Variants in TNS1 observed in about 807,000 individuals in gnomAD.
TNS1 encodes tensin-1.
Under a neutral mutation model 168.6 loss-of-function variants are expected in TNS1, and 62 were observed. That is an observed-to-expected ratio of 0.37 (90% confidence interval 0.30 to 0.45). The LOEUF (loss-of-function observed/expected upper bound fraction) is 0.45, where lower values mean the gene tolerates loss of function less well. TNS1 is among the 20% of genes least tolerant of loss of function. The pLI is 1.00. For synonymous variants in TNS1, 934 were observed against 933.2 expected (o/e 1.00, Z -0.02); for missense variants, 2,240 against 2,339.4 (o/e 0.96, Z 0.88).
At chr2:217,823,297 G>A (rs1943155209) in intron 22 of TNS1, among the ~76,000 whole-genome samples, 1 of 152,194 alleles carries the variant, frequency 6.6e-6, no homozygotes, top group Non-Finnish European at 1.5e-5. Context: ...GACAGTGTAT[G>A]GGCATGGCTG....
chr2:217,964,852 G>GTA (rs1417379472), intron 3 of TNS1, among the ~76,000 whole-genome samples: 2 of 152,184 alleles, frequency 1.3e-5, no homozygotes, highest in African/African-American at 4.8e-5. Flanking sequence ...GTGTTCTGCT[G>GTA]TGCCCCAAGA....
At chr2:217,885,307 G>A (rs1559299167) in intron 15 of TNS1, 143 bp from the exon 16 acceptor site, 1 of 1,200,514 alleles carries the variant, frequency 8.3e-7, no homozygotes, top group Non-Finnish European at 1.1e-6. Context: ...CACCAAACAG[G>A]ATCTCAGAGT....
intron 3 of TNS1, among the ~76,000 whole-genome samples, chr2:217,926,701 A>G (rs550841820): frequency 3.9e-5 from 6 of 152,356 alleles, no homozygotes; most frequent in South Asian, 4.1e-4. Context: ...CATGTCAAGC[A>G]CTGTTCTAAG....
intron 32 of TNS1, among the ~76,000 whole-genome samples, chr2:217,805,806 A>G (rs1208733982): frequency 7.5e-6 from 1 of 132,630 alleles, no homozygotes; most frequent in Non-Finnish European, 1.7e-5. Context: ...CAAACCATGC[A>G]TACATACATA....
chr2:218,025,411 G>A (rs1028930217), intron 1 of TNS1, among the ~76,000 whole-genome samples: 4 of 152,070 alleles, frequency 2.6e-5, no homozygotes, highest in Admixed American at 2.6e-4. Flanking sequence ...ACCATGCCCA[G>A]CTAACTTTTT....
chr2:217,813,749 G>T lies in TNS1; in HGVS notation c.4797C>A (p.Gly1599=). 1 of 1,614,030 alleles carries T rather than the reference G, an allele frequency of 6.2e-7. No homozygotes were observed. Among genetic ancestry groups the T allele is most frequent in the South Asian group, 1.1e-5 (1 of 91,062 alleles). The part of the protein sequence containing the change: ...FIIRDSHSFR[G]AYGLAMKVSS... ...ACACCTTCATGGCCAGCCCGTACGC[G>T]CCTCGGAAGGAGTGACTGTCGCGGA... The change falls in exon 26 of 33, where the codon GGC becomes GGA. Residue 1599 remains glycine, a synonymous_variant. Transcript: ENST00000682258. The surrounding 1 kb of genome is among the most constrained non-coding windows in gnomAD (Gnocchi z 4.0).
chr2:217,919,508 G>T (rs1043009502), intron 4 of TNS1, among the ~76,000 whole-genome samples: 21 of 152,206 alleles, frequency 1.4e-4, no homozygotes, highest in African/African-American at 4.1e-4. Flanking sequence ...CTGCTTCTAG[G>T]GCCATGGTGG....
At chr2:217,827,074 C>T (rs1943732877) in intron 22 of TNS1, among the ~76,000 whole-genome samples, 1 of 152,104 alleles carries the variant, frequency 6.6e-6, no homozygotes, top group African/African-American at 2.4e-5. Flanking sequence ...CTCCCAGCCC[C>T]CATGACATCC....
Position 217,804,614 on chromosome 2 carries a change from G to C in TNS1, c.5376-11C>G. ...ACGAAGCCGAAGAGCCTGCAGGCGG[G>C]AGAGGGCAACGGGCATGAGGGAAGG... On this transcript the variant is annotated splice_polypyrimidine_tract_variant and intron_variant, in intron 32 of 32. Transcript: ENST00000682258. The C allele has an allele frequency of 3.7e-6, 6 of 1,613,990 alleles. No individual in the cohort carries two copies. Among genetic ancestry groups the C allele is most frequent in the Non-Finnish European group, 5.1e-6 (6 of 1,179,910 alleles).
In TNS1 at chr2:217,885,135, G is replaced by A; in HGVS notation, c.1146C>T (p.Ser382=). 2 of 1,614,234 alleles carry A rather than the reference G, an allele frequency of 1.2e-6. No homozygotes were observed. The highest frequency in any genetic ancestry group is 1.7e-6 in the Non-Finnish European group (2 of 1,180,040). The part of the protein sequence containing the change: ...LLKCYHKKFR[S]PARDVIFRVQ... Reference sequence around the variant, plus strand: ...CACGGAAGATGACGTCTCGGGCTGGGCTTCGGAACTTCTTGTGGTAGCACT... The same window carrying A: ...CACGGAAGATGACGTCTCGGGCTGGACTTCGGAACTTCTTGTGGTAGCACT... The change falls in exon 16 of 33, where the codon AGC becomes AGT. Residue 382 remains serine, a synonymous_variant. Coordinates refer to ENST00000682258, the MANE Select transcript of TNS1 (RefSeq NM_001387777.1).
intron 21 of TNS1, among the ~76,000 whole-genome samples, chr2:217,833,707 TGGCC>T (rs1194807469): frequency 2.0e-4 from 31 of 152,332 alleles, no homozygotes; most frequent in African/African-American, 7.2e-4. Context: ...GAGCCACACA[TGGCC>T]GCAGAGCCGT....
At chr2:217,861,687 T>C (rs1948795761) in intron 18 of TNS1, among the ~76,000 whole-genome samples, 1 of 152,238 alleles carries the variant, frequency 6.6e-6, no homozygotes, top group Non-Finnish European at 1.5e-5. Context: ...TTTCCTTATC[T>C]GTAAAATGGG....
chr2:217,979,077 C>T, intron 2 of TNS1: 1 of 429,900 alleles, frequency 2.3e-6, no homozygotes, highest in South Asian at 3.3e-5. Context: ...GTGGGGGGAG[C>T]AAAGGGGGGG....
chr2:218,022,501 TAC>T lies in TNS1; in HGVS notation c.156+11317_156+11318del, dbSNP rs1958814460. ...ACACGCACACACGCACGTACACACA[TAC>T]ACACACACAGGCACACACGGCCTCC... is the stretch of plus-strand genomic sequence containing the variant. On this transcript the variant is annotated intron_variant, in intron 1 of 1. Transcript: ENST00000649572. Among the ~76,000 whole-genome samples the T allele has an allele frequency of 2.6e-5, 4 of 152,024 alleles. 1 individual carries two copies. In the South Asian group the frequency reaches 8.3e-4, roughly 32 times the overall value.
chr2:217,812,279 G>A, intron 28 of TNS1, 89 bp downstream of exon 28: 1 of 1,057,218 alleles, frequency 9.5e-7, no homozygotes, highest in Non-Finnish European at 1.4e-6. Context: ...TCCAGCCCTG[G>A]CCCATGTCCG....
At position 217,887,101 on chromosome 2, in the gene TNS1, C is replaced by T. The variant is rs949736884; in HGVS notation, c.867-455G>A. 3.9e-5 allele frequency among the ~76,000 whole-genome samples: 6 copies of T among 152,194 alleles called. No individual in the cohort carries two copies. The South Asian group carries it at 1.2e-3, about 32-fold the overall frequency. ...ATCAAGCTTGCGCTCATACTCACAG[C>T]CCCAGTTCTGCCCACAGATCCAGTA... On this transcript the variant is annotated intron_variant, in intron 12 of 32. Transcript: ENST00000682258.
Position 217,813,637 on chromosome 2 carries a change from C to CTGTAAAGCTCACCTGGTCCTGAGCCCCAT in TNS1, c.4861+19_4861+47dup. ...CCTCCAGCACCTCCAGGTTTAGCGA[C>CTGTAAAGCTCACCTGGTCCTGAGCCCCAT]TGTAAAGCTCACCTGGTCCTGAGCC... On this transcript the variant is annotated intron_variant, in intron 26 of 32. Transcript: ENST00000682258. This position sits in a 1 kb window ranked among gnomAD's most constrained non-coding sequence, Gnocchi z 4.0. 1 of 1,562,498 alleles carries CTGTAAAGCTCACCTGGTCCTGAGCCCCAT rather than the reference C, an allele frequency of 6.4e-7. No homozygotes were observed. The highest frequency in any genetic ancestry group is 8.7e-7 in the Non-Finnish European group (1 of 1,153,822).
intron 3 of TNS1, among the ~76,000 whole-genome samples, chr2:217,950,809 C>A (rs369746462): frequency 6.6e-6 from 1 of 151,572 alleles, no homozygotes; most frequent in African/African-American, 2.4e-5. Flanking sequence ...CACTCTTCTG[C>A]GCAGCACCTT....
intron 19 of TNS1, among the ~76,000 whole-genome samples, chr2:217,836,488 A>T (rs1945192776): frequency 6.6e-6 from 1 of 152,156 alleles, no homozygotes; most frequent in African/African-American, 2.4e-5. Context: ...GGACTGATAC[A>T]AGAAACAGAT....
Sources: gnomAD v4.1 joint callset for allele counts (sites outside exome capture counted in the v4.1 genomes callset) on GRCh38, gnomAD v4.1.1 for gene constraint, Gnocchi (gnomAD v3.1) non-coding constraint, MANE v1.5 for transcripts, NCBI Gene and HGNC (gene_info 2026-07-23, HGNC 2026-07-21) for gene names.